TTC29: variants seen among roughly 807,000 people sequenced by gnomAD.
The protein encoded by TTC29 is tetratricopeptide repeat protein 29.
A neutral mutation model predicts 58.1 loss-of-function variants in TTC29; 49 were observed. The ratio of observed to expected loss-of-function variants is 0.84; its 90% CI spans 0.67 to 1.07. The LOEUF (loss-of-function observed/expected upper bound fraction) is 1.07, where lower values mean the gene tolerates loss of function less well. TTC29 is among the 50% of genes least tolerant of loss of function. The pLI is 0.00. For missense variants in TTC29, 582 were observed against 555.6 expected (o/e 1.05, Z -0.48); for synonymous variants, 209 against 196.8 (o/e 1.06, Z -0.52).
Position 146,909,213 on chromosome 4 carries a change from G to C in TTC29, c.213C>G (p.Asp71Glu), listed in dbSNP as rs184774436. 1.2e-6 allele frequency: 2 copies of C among 1,613,458 alleles called. No individual in the cohort carries two copies. The highest frequency in any genetic ancestry group is 1.7e-4 in the Middle Eastern group (1 of 6,056). Residue 71 changes from aspartate to glutamate, a missense_variant, in exon 5 of 13, where the codon GAC becomes GAG. Asp to Glu is a conservative substitution (Grantham distance 45). Transcript: ENST00000325106. ...RNSYKKNICV[D>E]MLRDGYHKSF... ...ACTTATGATAACCATCTCGCAGCAT[G>C]TCCACACAGATATTCTTCTTGTAGG...
At chr4:146,919,479 G>A (rs1388448308) in intron 4 of TTC29, among the ~76,000 whole-genome samples, 1 of 150,798 alleles carries the variant, frequency 6.6e-6, no homozygotes, top group African/African-American at 2.4e-5. Flanking sequence ...TCATATCACA[G>A]GACTACAAAG....
intron 6 of TTC29, among the ~76,000 whole-genome samples, chr4:146,881,044 TAA>T (rs1731593112): frequency 6.6e-6 from 1 of 152,148 alleles, no homozygotes; most frequent in Non-Finnish European, 1.5e-5. Context: ...AAAGCAAGTT[TAA>T]ATAAAATAAT....
chr4:146,904,489 A>T, intron 5 of TTC29, among the ~76,000 whole-genome samples: 1 of 152,162 alleles, frequency 6.6e-6, no homozygotes, highest in East Asian at 1.9e-4. Context: ...TCAATTGTGA[A>T]TCAGTCTTAT....
intron 9 of TTC29, among the ~76,000 whole-genome samples, chr4:146,821,911 G>A (rs1044941301): frequency 6.0e-5 from 9 of 151,060 alleles, no homozygotes; most frequent in Non-Finnish European, 1.2e-4. Context: ...AATTGTGACA[G>A]GTACTGACTT....
chr4:146,876,418 A>G (rs1284656285), intron 6 of TTC29, among the ~76,000 whole-genome samples: 2 of 152,216 alleles, frequency 1.3e-5, no homozygotes, highest in Non-Finnish European at 2.9e-5. Flanking sequence ...ATATTAAATT[A>G]ACCTATGCAG....
intron 6 of TTC29, among the ~76,000 whole-genome samples, chr4:146,883,972 C>A (rs1731808543): frequency 6.6e-6 from 1 of 152,014 alleles, no homozygotes; most frequent in Admixed American, 6.6e-5. Context: ...AGGGATGTAA[C>A]CCAATTACAT....
chr4:146,876,503 T>C (rs1052934407), intron 6 of TTC29, among the ~76,000 whole-genome samples: 16 of 152,200 alleles, frequency 1.1e-4, no homozygotes, highest in Admixed American at 2.0e-4. Flanking sequence ...TCCATGACTA[T>C]TGCATATAAT....
chr4:146,902,119 G>A (rs943881713), intron 6 of TTC29, among the ~76,000 whole-genome samples: 1 of 152,086 alleles, frequency 6.6e-6, no homozygotes, highest in Non-Finnish European at 1.5e-5. Context: ...TGTTTTATCC[G>A]AGTTAATTAC....
At chr4:146,902,353 G>A (rs1181247833) in intron 6 of TTC29, among the ~76,000 whole-genome samples, 2 of 152,124 alleles carry the variant, frequency 1.3e-5, no homozygotes, top group South Asian at 2.1e-4. Flanking sequence ...ACTAGGCTTA[G>A]TACCTGGGTG....
chr4:146,810,453 G>T (rs1392809346), intron 10 of TTC29, among the ~76,000 whole-genome samples: 1 of 152,084 alleles, frequency 6.6e-6, no homozygotes, highest in Non-Finnish European at 1.5e-5. Context: ...AATATTGGCA[G>T]TTTCATATGG....
At chr4:146,941,182 G>T (rs1264640964) in intron 2 of TTC29, among the ~76,000 whole-genome samples, 1 of 152,092 alleles carries the variant, frequency 6.6e-6, no homozygotes, top group Non-Finnish European at 1.5e-5. Flanking sequence ...AAATAGAGAG[G>T]CATCCAAAAG....
intron 11 of TTC29, among the ~76,000 whole-genome samples, chr4:146,743,039 C>T (rs1745277607): frequency 6.6e-6 from 1 of 151,908 alleles, no homozygotes; most frequent in Non-Finnish European, 1.5e-5. Flanking sequence ...GAAATCAGTC[C>T]TTAGGCTCTG....
chr4:146,776,498 G>A (rs1208448461), intron 11 of TTC29, among the ~76,000 whole-genome samples: 1 of 151,334 alleles, frequency 6.6e-6, no homozygotes, highest in Non-Finnish European at 1.5e-5. Flanking sequence ...TTTGGTTTCA[G>A]TTGGGTTCAA....
intron 11 of TTC29, among the ~76,000 whole-genome samples, chr4:146,798,495 T>TAAG (rs1011294631): frequency 6.6e-6 from 1 of 152,126 alleles, no homozygotes; most frequent in Admixed American, 6.5e-5. Context: ...ATGATAATAA[T>TAAG]AAGTTTCCTT....
At chr4:146,708,341 TATATATATATATATAC>T (rs377580032) in intron 11 of TTC29, among the ~76,000 whole-genome samples, 21,780 of 62,650 alleles carry the variant, frequency 0.35, 3,377 homozygotes, top group Non-Finnish European at 0.46. Context: ...TATATATATA[TATATATATATATATAC>T]ACATGTATGT....
intron 8 of TTC29, among the ~76,000 whole-genome samples, chr4:146,849,824 A>G (rs1280050217): frequency 6.6e-6 from 1 of 151,918 alleles, no homozygotes; most frequent in Non-Finnish European, 1.5e-5. Flanking sequence ...CCTGGCCATT[A>G]CCACTGCCTG....
intron 8 of TTC29, among the ~76,000 whole-genome samples, chr4:146,839,561 T>C (rs1728721809): frequency 1.3e-5 from 2 of 151,570 alleles, no homozygotes. Flanking sequence ...TGTGTGTGTG[T>C]GTGTGTGTGT....
intron 6 of TTC29, among the ~76,000 whole-genome samples, chr4:146,901,308 A>G (rs1329697757): frequency 6.6e-6 from 1 of 152,174 alleles, no homozygotes; most frequent in Non-Finnish European, 1.5e-5. Context: ...AATCACCTAG[A>G]GTCTCTGCAC....
At chr4:146,911,708 T>A (rs566907685) in intron 4 of TTC29, among the ~76,000 whole-genome samples, 1 of 152,228 alleles carries the variant, frequency 6.6e-6, no homozygotes, top group South Asian at 2.1e-4. Flanking sequence ...GCTTCAGACA[T>A]TAGGTCTACT....
Sources: gnomAD v4.1 joint callset for allele counts (sites outside exome capture counted in the v4.1 genomes callset) on GRCh38, gnomAD v4.1.1 for gene constraint, MANE v1.5 for transcripts, NCBI Gene and HGNC (gene_info 2026-07-23, HGNC 2026-07-21) for gene names.